Variants in GRIA3 observed in about 807,000 individuals in gnomAD.
The protein encoded by GRIA3 is glutamate receptor 3.
GRIA3 carries 3 observed loss-of-function variants against 63.0 expected under a neutral mutation model. That is an observed-to-expected ratio of 0.05 (90% confidence interval 0.02 to 0.12). The LOEUF (loss-of-function observed/expected upper bound fraction) is 0.12, where lower values mean the gene tolerates loss of function less well. GRIA3 is among the 10% of genes least tolerant of loss of function. GRIA3 has a pLI of 1.00. For synonymous variants in GRIA3, 274 were observed against 257.9 expected (o/e 1.06, Z -0.60); for missense variants, 347 against 700.9 (o/e 0.50, Z 5.70).
intron 3 of GRIA3, among the ~76,000 whole-genome samples, chrX:123,275,969 C>T (rs1428979807): frequency 2.7e-5 from 3 of 112,024 alleles, no homozygotes; most frequent in Non-Finnish European, 3.8e-5. Flanking sequence ...TACATTTCCC[C>T]CAAACATACA....
At chrX:123,311,919 A>G (rs1280977015) in intron 3 of GRIA3, among the ~76,000 whole-genome samples, 1 of 112,325 alleles carries the variant, frequency 8.9e-6, no homozygotes, top group Admixed American at 9.4e-5. Flanking sequence ...GGAAGAAATA[A>G]GAGTGCGAAC....
At chrX:123,455,093 G>A (rs181129318) in intron 12 of GRIA3, among the ~76,000 whole-genome samples, 9 of 111,880 alleles carry the variant, frequency 8.0e-5, no homozygotes, top group African/African-American at 2.9e-4. Flanking sequence ...ATGTCTAGGC[G>A]AAAGGTGACC....
chrX:123,369,702 C>G (rs760524654), intron 5 of GRIA3, among the ~76,000 whole-genome samples: 1 of 112,522 alleles, frequency 8.9e-6, no homozygotes, highest in African/African-American at 3.2e-5. Flanking sequence ...CTTCTTTCTA[C>G]TGTTATTCTT....
chrX:123,186,113 T>C (rs921866401), intron 2 of GRIA3, 123 bp downstream of exon 2: 4 of 577,411 alleles, frequency 6.9e-6, no homozygotes, highest in Non-Finnish European at 9.1e-6. Flanking sequence ...TTAGGGGCTC[T>C]AATCCATCCG....
intron 13 of GRIA3, among the ~76,000 whole-genome samples, chrX:123,471,946 T>A (rs1603175810): frequency 1.2e-5 from 1 of 80,504 alleles, no homozygotes; most frequent in Non-Finnish European, 2.3e-5. Flanking sequence ...CATCTAGCAT[T>A]GAAGCAAATG....
chrX:123,189,817 T>C (rs1927381305), intron 2 of GRIA3, among the ~76,000 whole-genome samples: 1 of 111,721 alleles, frequency 9.0e-6, no homozygotes, highest in Non-Finnish European at 1.9e-5. Context: ...AAATCCCTTT[T>C]GCTGGCTAAA....
Position 123,316,831 on chromosome X carries a change from G to A in GRIA3, c.509-9195G>A, listed in dbSNP as rs774904020. ...AATGACAGACTCCATATATGACAGT[G>A]GTCCCATAAAATTATAATACTATAC... On this transcript the variant is annotated intron_variant, in intron 3 of 15. Coordinates refer to ENST00000620443, the MANE Select transcript of GRIA3 (RefSeq NM_007325.5). 2.9e-4 allele frequency among the ~76,000 whole-genome samples: 32 copies of A among 111,829 alleles called. 1 individual carries two copies. The highest frequency in any genetic ancestry group is 1.1e-4 in the Non-Finnish European group (6 of 53,182).
chrX:123,449,930 C>T (rs2045722005), intron 12 of GRIA3, among the ~76,000 whole-genome samples: 1 of 111,860 alleles, frequency 8.9e-6, no homozygotes, highest in Non-Finnish European at 1.9e-5. Context: ...CAAGACCTAT[C>T]TTGATTCTTC....
At chrX:123,296,081 C>T (rs1348929243) in intron 3 of GRIA3, among the ~76,000 whole-genome samples, 1 of 111,352 alleles carries the variant, frequency 9.0e-6, no homozygotes, top group Non-Finnish European at 1.9e-5. Context: ...ACTGATGCAA[C>T]CTTGACTGTT....
At chrX:123,326,553 C>A (rs902108598) in intron 4 of GRIA3, among the ~76,000 whole-genome samples, 2 of 111,766 alleles carry the variant, frequency 1.8e-5, no homozygotes, top group Admixed American at 9.5e-5. Flanking sequence ...CCCATACCTT[C>A]TTCCCAACAG....
At chrX:123,392,006 T>C (rs1043071421) in intron 5 of GRIA3, among the ~76,000 whole-genome samples, 3 of 111,635 alleles carry the variant, frequency 2.7e-5, no homozygotes, top group Admixed American at 9.4e-5. Flanking sequence ...GGCCATCTGG[T>C]GGTGCACGTG....
intron 4 of GRIA3, 135 bp downstream of exon 4, chrX:123,326,348 T>G: frequency 2.1e-6 from 1 of 468,457 alleles, no homozygotes; most frequent in East Asian, 3.8e-5. Context: ...TCTAATCCTT[T>G]TTTCCTCCCC....
At chrX:123,401,161 T>C (rs1417827472) in intron 7 of GRIA3, among the ~76,000 whole-genome samples, 1 of 112,162 alleles carries the variant, frequency 8.9e-6, no homozygotes, top group Non-Finnish European at 1.9e-5. Context: ...CATTCAATAC[T>C]GGACCACATC....
At chrX:123,429,318 TACAA>T (rs1349804779) in intron 12 of GRIA3, among the ~76,000 whole-genome samples, 1 of 112,322 alleles carries the variant, frequency 8.9e-6, no homozygotes, top group Non-Finnish European at 1.9e-5. Context: ...AGCAATTAAC[TACAA>T]ACAGTTTTCA....
intron 10 of GRIA3, among the ~76,000 whole-genome samples, 188 bp downstream of exon 10, chrX:123,405,102 G>A (rs2045465458): frequency 1.8e-5 from 2 of 112,367 alleles, no homozygotes; most frequent in Non-Finnish European, 3.8e-5. Context: ...TTGGACAACA[G>A]GATTATTTTA....
intron 15 of GRIA3, 150 bp from the exon 16 acceptor site, chrX:123,488,563 T>C (rs183052796): frequency 8.9e-6 from 1 of 112,342 alleles, no homozygotes; most frequent in African/African-American, 3.2e-5. Context: ...ACCTGTCACC[T>C]AAAGCCAGTC....
intron 3 of GRIA3, among the ~76,000 whole-genome samples, chrX:123,304,406 C>G (rs1442655690): frequency 8.9e-6 from 1 of 111,786 alleles, no homozygotes. Context: ...GTCCCTTTCA[C>G]TTCTGATGTC....
chrX:123,264,699 T>G (rs915756567), intron 3 of GRIA3, among the ~76,000 whole-genome samples: 22 of 111,950 alleles, frequency 2.0e-4, no homozygotes, highest in African/African-American at 6.5e-4. Context: ...TTCCTAGAGA[T>G]GTTGTCTTGG....
intron 5 of GRIA3, among the ~76,000 whole-genome samples, chrX:123,368,279 GTA>G (rs753929425): frequency 8.9e-6 from 1 of 111,734 alleles, no homozygotes; most frequent in African/African-American, 3.3e-5. Flanking sequence ...AAGAGGACCA[GTA>G]AGAGGTAGCT....
Sources: gnomAD v4.1 joint callset for allele counts (sites outside exome capture counted in the v4.1 genomes callset) on GRCh38, gnomAD v4.1.1 for gene constraint, MANE v1.5 for transcripts, NCBI Gene and HGNC (gene_info 2026-07-23, HGNC 2026-07-21) for gene names.